The following URI1 variants were observed in gnomAD, a reference collection of about 807,000 sequenced individuals.
URI1 encodes URI1 prefoldin like chaperone.
Under a neutral mutation model 60.2 loss-of-function variants are expected in URI1, and 39 were observed. The observed-to-expected ratio is 0.65, with a 90% CI of 0.50 to 0.85. The LOEUF is 0.85. URI1 is among the 40% of genes least tolerant of loss of function. URI1 has a pLI of 0.00. For missense variants in URI1, 691 were observed against 665.9 expected (o/e 1.04, Z -0.42); for synonymous variants, 251 against 236.8 (o/e 1.06, Z -0.55).
chr19:29,965,431 T>TA (rs1223484010), intron 1 of URI1, among the ~76,000 whole-genome samples: 2 of 152,212 alleles, frequency 1.3e-5, no homozygotes, highest in African/African-American at 4.8e-5. Context: ...AGGTCACAAT[T>TA]TCTTATCTGC....
At chr19:29,953,818 G>A (rs2055209001) in intron 1 of URI1, among the ~76,000 whole-genome samples, 5 of 151,662 alleles carry the variant, frequency 3.3e-5, no homozygotes, top group Admixed American at 3.3e-4. Context: ...GACTTACAAA[G>A]CCACTGTATT....
intron 1 of URI1, among the ~76,000 whole-genome samples, chr19:29,950,525 G>A (rs968391621): frequency 2.0e-4 from 30 of 152,136 alleles, no homozygotes; most frequent in Non-Finnish European, 2.9e-5. Context: ...TAATCAGTTA[G>A]CATTTTGTCC....
intron 1 of URI1, among the ~76,000 whole-genome samples, chr19:29,931,605 A>G (rs2054917956): frequency 6.6e-6 from 1 of 152,192 alleles, no homozygotes; most frequent in Non-Finnish European, 1.5e-5. Flanking sequence ...TTCAGCCCAT[A>G]ACAATTGTCA....
rs1232442109 is a variant in URI1 at position 29,994,158 on chromosome 19, T to A, written c.367+7741T>A. 3.3e-5 allele frequency among the ~76,000 whole-genome samples: 5 copies of A among 152,260 alleles called. No homozygotes were observed. In the East Asian group the frequency reaches 9.6e-4, roughly 29 times the overall value. On this transcript the variant is annotated intron_variant, in intron 4 of 10. Transcript: ENST00000392271. Reference sequence around the variant, plus strand: ...TTGCTGGCATGAAGTGAAGTAGATTTTTAACTTTGACAGTGCTGGCTTTAA... The same window carrying A: ...TTGCTGGCATGAAGTGAAGTAGATTATTAACTTTGACAGTGCTGGCTTTAA...
At chr19:29,942,792 T>C in intron 1 of URI1, 128 bp downstream of exon 1, 2 of 1,126,756 alleles carry the variant, frequency 1.8e-6, no homozygotes, top group Non-Finnish European at 1.1e-6. Flanking sequence ...GATAAACTTT[T>C]GTCACGTGCT....
intron 2 of URI1, among the ~76,000 whole-genome samples, chr19:29,975,582 C>T (rs565729753): frequency 2.7e-5 from 4 of 147,246 alleles, no homozygotes; most frequent in Non-Finnish European, 5.9e-5. Context: ...CGGCTCACTG[C>T]AACTTCTGCC....
intron 1 of URI1, among the ~76,000 whole-genome samples, chr19:29,966,340 T>C (rs966988674): frequency 2.0e-5 from 3 of 152,078 alleles, no homozygotes; most frequent in Non-Finnish European, 4.4e-5. Flanking sequence ...GGTTTCACCA[T>C]GTTGGCTAGG....
Position 30,016,239 on chromosome 19 carries a change from A to C in URI1, c.*1170A>C, listed in dbSNP as rs1369536549. The stretch of plus-strand genomic sequence containing the variant: ...AGCTATTCGTAACTAGAGCAGTGCA[A>C]CTTTAAAGTTTTATGAATATGTATT... On this transcript the variant is annotated 3_prime_UTR_variant, in exon 11 of 11. Coordinates refer to ENST00000392271, the MANE Select transcript of URI1 (RefSeq NM_003796.3). 6.6e-6 allele frequency: 1 copy of C among 152,160 alleles called. No homozygotes were observed. Among genetic ancestry groups the C allele is most frequent in the East Asian group, 1.9e-4 (1 of 5,204 alleles). 9.4% of individuals were successfully genotyped at this position (152,160 alleles called of 1,614,324 possible).
Position 30,009,214 on chromosome 19 carries a change from A to ATGATGATGATGACAG in URI1, c.908_909insCAGTGATGATGATGA (p.Asp303_Asp304insSerAspAspAspAsp). On this transcript the variant is annotated inframe_insertion, in exon 8 of 11. Transcript: ENST00000392271. ...AATGGTTCCAGTTCTTACCACAGTG[A>ATGATGATGATGACAG]TGATGATGATGATGATGATGATGAC... The ATGATGATGATGACAG allele has an allele frequency of 2.9e-5, 1 of 34,400 alleles. No individual in the cohort carries two copies. The allele number at this position is 34,400 out of a possible 1,614,324, so 2.1% of individuals were successfully genotyped here.
chr19:30,005,035 A>G (rs1263859731), intron 4 of URI1, among the ~76,000 whole-genome samples: 1 of 152,046 alleles, frequency 6.6e-6, no homozygotes, highest in Non-Finnish European at 1.5e-5. Context: ...GTTATGAAAT[A>G]CTGCATTTTA....
At chr19:30,010,276 CAT>C (rs2056001185) in intron 8 of URI1, among the ~76,000 whole-genome samples, 1 of 152,096 alleles carries the variant, frequency 6.6e-6, no homozygotes, top group African/African-American at 2.4e-5. Flanking sequence ...ATGTTTAAAA[CAT>C]ATTTGATATT....
chr19:29,946,953 A>G (rs562222621), intron 1 of URI1, among the ~76,000 whole-genome samples: 1 of 152,306 alleles, frequency 6.6e-6, no homozygotes, highest in East Asian at 1.9e-4. Flanking sequence ...AGGTAAGGCT[A>G]AGTAGAAAAA....
rs1429089644 is a variant in URI1 at position 30,016,544 on chromosome 19, A to G, written c.*1475A>G. On this transcript the variant is annotated 3_prime_UTR_variant, in exon 11 of 11. Coordinates refer to ENST00000392271, the MANE Select transcript of URI1 (RefSeq NM_003796.3). Reference sequence around the variant, plus strand: ...CAGAAACAAACTTTACTGTAGGACTATTGTGGTGTTCTTAACAGATTTGTA... The same window carrying G: ...CAGAAACAAACTTTACTGTAGGACTGTTGTGGTGTTCTTAACAGATTTGTA... 2.0e-5 allele frequency: 3 copies of G among 152,214 alleles called. No individual in the cohort carries two copies. Among genetic ancestry groups the G allele is most frequent in the Admixed American group, 6.5e-5 (1 of 15,296 alleles). 9.4% of individuals were successfully genotyped at this position (152,214 alleles called of 1,614,324 possible).
At chr19:29,994,874 C>T (rs1304294452) in intron 4 of URI1, among the ~76,000 whole-genome samples, 1 of 151,846 alleles carries the variant, frequency 6.6e-6, no homozygotes, top group Non-Finnish European at 1.5e-5. Flanking sequence ...CTCCGCCTCC[C>T]AGGTTCAAGA....
At chr19:29,997,602 C>CT (rs945638277) in intron 4 of URI1, among the ~76,000 whole-genome samples, 3 of 151,460 alleles carry the variant, frequency 2.0e-5, no homozygotes, top group African/African-American at 7.3e-5. Flanking sequence ...TTTACTCTTT[C>CT]TTTTTTTTCC....
chr19:29,976,423 G>A (rs73044834), intron 2 of URI1, among the ~76,000 whole-genome samples: 1 of 152,272 alleles, frequency 6.6e-6, no homozygotes, highest in Non-Finnish European at 1.5e-5. Context: ...TGTTGGTTGA[G>A]CCTCTGCCTC....
At chr19:29,997,515 G>A (rs1288830228) in intron 4 of URI1, among the ~76,000 whole-genome samples, 1 of 151,812 alleles carries the variant, frequency 6.6e-6, no homozygotes, top group Non-Finnish European at 1.5e-5. Flanking sequence ...TAATTTTTCA[G>A]CATTTTATAA....
chr19:29,989,638 G>T (rs990744969), intron 4 of URI1, among the ~76,000 whole-genome samples: 2 of 152,180 alleles, frequency 1.3e-5, no homozygotes, highest in East Asian at 3.9e-4. Flanking sequence ...GGTCAGGCTG[G>T]TCTTGAACTC....
chr19:29,945,860 GA>G (rs1255963555), intron 1 of URI1, among the ~76,000 whole-genome samples: 1 of 150,808 alleles, frequency 6.6e-6, no homozygotes, highest in Non-Finnish European at 1.5e-5. Context: ...AATTGGATGG[GA>G]TTTTTTTTTT....
Sources: allele counts gnomAD v4.1 joint callset (sites outside exome capture counted in the v4.1 genomes callset), GRCh38; gene constraint gnomAD v4.1.1; transcripts MANE v1.5; gene names NCBI Gene and HGNC (gene_info 2026-07-23, HGNC 2026-07-21).